The following PIEZO1 variants were observed in gnomAD, a reference collection of about 807,000 sequenced individuals.
PIEZO1 encodes piezo-type mechanosensitive ion channel component 1.
A neutral mutation model predicts 297.2 loss-of-function variants in PIEZO1; 296 were observed. The observed-to-expected ratio is 1.00, with a 90% CI of 0.91 to 1.10. The LOEUF (loss-of-function observed/expected upper bound fraction) is 1.10. Ranked by LOEUF, PIEZO1 falls within the 50% of genes least tolerant of loss-of-function variation. The probability of loss-of-function intolerance (pLI) is 0.00; values close to 1 mark genes in which losing one functional copy is unlikely to be tolerated. For synonymous variants in PIEZO1, 2,427 were observed against 1,507.5 expected, an observed-to-expected ratio of 1.61 and a Z score of -14.13; for missense variants, 5,018 against 3,455.5, an observed-to-expected ratio of 1.45 and a Z score of -11.34.
chr16:88,760,514 G>A (rs899033892), intron 1 of PIEZO1, among the ~76,000 whole-genome samples: 1 of 152,268 alleles, frequency 6.6e-6, no homozygotes, highest in Non-Finnish European at 1.5e-5. Context: ...GGCAACAGTG[G>A]GACGTGGCCA....
At chr16:88,729,970 G>A (rs567792246) in intron 22 of PIEZO1, among the ~76,000 whole-genome samples, 1 of 152,414 alleles carries the variant, frequency 6.6e-6, no homozygotes, top group Admixed American at 6.5e-5. Context: ...CTCACAGGAT[G>A]GCGACTGCAT....
At chr16:88,716,169 C>T (rs1312938273) in intron 49 of PIEZO1, 29 bp downstream of exon 49, 2 of 1,516,690 alleles carry the variant, frequency 1.3e-6, no homozygotes, top group South Asian at 1.3e-5. Context: ...CCCTCTCTAG[C>T]CTCCCCCAAC....
chr16:88,726,608 G>C lies in PIEZO1; in HGVS notation c.3735C>G (p.Thr1245=). Reference sequence around the variant, plus strand: ...AGAGCTGGATGACCCAGCAGAAGCCGGTCTGCATCTGCTCCACGAAGACGC... The same window carrying C: ...AGAGCTGGATGACCCAGCAGAAGCCCGTCTGCATCTGCTCCACGAAGACGC... The part of the protein sequence containing the change: ...LACVFVEQMQ[T]GFCWVIQLFS... Residue 1245 remains threonine, a synonymous_variant, in exon 26 of 51, where the codon ACC becomes ACG. Coordinates refer to ENST00000301015, the MANE Select transcript of PIEZO1 (RefSeq NM_001142864.4). 6.5e-7 allele frequency: 1 copy of C among 1,549,706 alleles called. No homozygotes were observed.
intron 2 of PIEZO1, among the ~76,000 whole-genome samples, chr16:88,747,423 G>A (rs761975858): frequency 7.9e-5 from 12 of 152,210 alleles, no homozygotes; most frequent in Non-Finnish European, 1.6e-4. Context: ...GGCCGAGGCG[G>A]GAGAATCGCT....
intron 1 of PIEZO1, among the ~76,000 whole-genome samples, chr16:88,759,348 C>T (rs28542896): frequency 0.039 from 5,938 of 152,276 alleles, 154 homozygotes; most frequent in Middle Eastern, 0.095. Flanking sequence ...TGAGGGCAGG[C>T]GAGGATCAGA....
intron 27 of PIEZO1, 128 bp downstream of exon 27, chr16:88,726,156 C>T: frequency 2.7e-6 from 2 of 733,974 alleles, no homozygotes; most frequent in South Asian, 1.9e-5. Context: ...CTCTAGATGA[C>T]ACGCCCATGT....
Position 88,725,634 on chromosome 16 carries a change from C to T in PIEZO1, c.4019G>A (p.Arg1340His), listed in dbSNP as rs529879112. Residue 1340 changes from arginine (R) to histidine (H), a missense_variant, in exon 28 of 51, where the codon CGC becomes CAC. Coordinates refer to ENST00000301015, the MANE Select transcript of PIEZO1 (RefSeq NM_001142864.4). ...AANLKSIDFH[R>H]RIEEKSLAQL... Reference sequence around the variant, plus strand: ...GGCCAGGGACTTCTCCTCTATCCTGCGGTGAAAGTCAATGCTCTTGAGGTT... The same window carrying T: ...GGCCAGGGACTTCTCCTCTATCCTGTGGTGAAAGTCAATGCTCTTGAGGTT... The T allele has an allele frequency of 1.5e-5, 24 of 1,549,460 alleles. No individual in the cohort carries two copies. Among genetic ancestry groups the T allele is most frequent in the Admixed American group, 9.8e-5 (5 of 50,982 alleles).
At chr16:88,747,467 G>A (rs535978006) in intron 2 of PIEZO1, among the ~76,000 whole-genome samples, 4 of 152,358 alleles carry the variant, frequency 2.6e-5, no homozygotes, top group Non-Finnish European at 1.5e-5. Context: ...AGTGAGCCCA[G>A]ATCGTGCCAT....
chr16:88,756,854 A>G lies in PIEZO1; in HGVS notation c.65-7375T>C, dbSNP rs1026573134. On this transcript the variant is annotated intron_variant, in intron 1 of 50. Transcript: ENST00000301015. The stretch of plus-strand genomic sequence containing the variant: ...CACTTTGGGAGGCCGAGGCGGGCAG[A>G]TCAGAAGGTCAGGAGATCGAGACCA... Among the ~76,000 whole-genome samples, 41 of 152,174 alleles carry G rather than the reference A, an allele frequency of 2.7e-4. 1 individual carries two copies. Among genetic ancestry groups the G allele is most frequent in the Non-Finnish European group, 4.4e-5 (3 of 68,032 alleles).
At chr16:88,724,787 C>T (rs547213769) in intron 30 of PIEZO1, among the ~76,000 whole-genome samples, 4 of 152,342 alleles carry the variant, frequency 2.6e-5, no homozygotes, top group Admixed American at 6.5e-5. Flanking sequence ...AGCTCCGAGA[C>T]TCCCACTGTT....
At chr16:88,736,086 G>C in intron 12 of PIEZO1, 62 bp downstream of exon 12, 3 of 1,462,940 alleles carry the variant, frequency 2.1e-6, no homozygotes, top group Non-Finnish European at 2.7e-6. Context: ...ACATTGAACA[G>C]GACGACAACC....
chr16:88,762,921 C>T (rs1017110021), intron 1 of PIEZO1, among the ~76,000 whole-genome samples: 3 of 152,186 alleles, frequency 2.0e-5, no homozygotes, highest in Non-Finnish European at 2.9e-5. Context: ...CCAATACGCC[C>T]GAGCCCCCAC....
chr16:88,770,798 C>T lies in PIEZO1; in HGVS notation c.64+14103G>A, dbSNP rs144717444. 1.9e-3 allele frequency among the ~76,000 whole-genome samples: 293 copies of T among 152,344 alleles called. 1 individual carries two copies. The highest frequency in any genetic ancestry group is 6.8e-3 in the African/African-American group (281 of 41,584). Reference sequence around the variant, plus strand: ...CAGGCGTCCTCCACTGGGCCCCGCGCGGCCCTGCCATAGGTGACACCAGCC... The same window carrying T: ...CAGGCGTCCTCCACTGGGCCCCGCGTGGCCCTGCCATAGGTGACACCAGCC... On this transcript the variant is annotated intron_variant, in intron 1 of 50. Transcript: ENST00000301015.
At chr16:88,742,558 C>A (rs1401503583) in intron 2 of PIEZO1, 136 bp from the exon 3 acceptor site, 2 of 883,716 alleles carry the variant, frequency 2.3e-6, no homozygotes, top group Admixed American at 6.0e-5. Flanking sequence ...GGACTCAGGA[C>A]CCCATCAGGC....
intron 1 of PIEZO1, among the ~76,000 whole-genome samples, chr16:88,778,092 G>A (rs543004198): frequency 2.0e-5 from 3 of 152,322 alleles, no homozygotes; most frequent in Non-Finnish European, 4.4e-5. Context: ...CTAGACACAC[G>A]GGAGGGAGGG....
intron 6 of PIEZO1, 54 bp from the exon 7 acceptor site, chr16:88,738,494 G>A (rs1905410312): frequency 7.9e-6 from 12 of 1,510,100 alleles, no homozygotes; most frequent in Middle Eastern, 1.7e-4. Context: ...GTGTCCCGCT[G>A]TCTCCACAGT....
chr16:88,743,126 C>G (rs1399253731), intron 2 of PIEZO1: 5 of 456,316 alleles, frequency 1.1e-5, no homozygotes, highest in Non-Finnish European at 2.2e-5. Flanking sequence ...TTGTCCTGCT[C>G]CCAGCTGCCT....
At chr16:88,770,562 G>T (rs899705084) in intron 1 of PIEZO1, among the ~76,000 whole-genome samples, 2 of 152,326 alleles carry the variant, frequency 1.3e-5, no homozygotes, top group East Asian at 3.9e-4. Flanking sequence ...TAGTGCGGGG[G>T]CCCCGCCATG....
chr16:88,730,908 T>C (rs147938950), intron 22 of PIEZO1, among the ~76,000 whole-genome samples: 47 of 152,356 alleles, frequency 3.1e-4, no homozygotes, highest in African/African-American at 1.1e-3. Context: ...AGAGAAAGTC[T>C]GTTTCGTAAA....
Sources: allele counts gnomAD v4.1 joint callset (sites outside exome capture counted in the v4.1 genomes callset), GRCh38; gene constraint gnomAD v4.1.1; transcripts MANE v1.5; gene names NCBI Gene and HGNC (gene_info 2026-07-23, HGNC 2026-07-21).